Variants in XPR1 observed in about 807,000 individuals in gnomAD.
XPR1 encodes the protein xenotropic and polytropic retrovirus receptor 1, also known as solute carrier family 53 member 1.
XPR1 carries 28 observed loss-of-function variants against 87.5 expected under a neutral mutation model. That is an observed-to-expected ratio of 0.32 (90% CI 0.24 to 0.44). XPR1 has a LOEUF of 0.44. XPR1 is among the 20% of genes least tolerant of loss of function. The pLI is 1.00. For synonymous variants in XPR1, 300 were observed against 306.1 expected, an observed-to-expected ratio of 0.98 and a Z score of 0.21; for missense variants, 559 against 862.3, an observed-to-expected ratio of 0.65 and a Z score of 4.41.
intron 11 of XPR1, among the ~76,000 whole-genome samples, chr1:180,862,235 A>G (rs1386998873): frequency 2.0e-5 from 3 of 152,032 alleles, no homozygotes; most frequent in Non-Finnish European, 1.5e-5. Context: ...GTTTTTCTAA[A>G]ATACAGATCT....
chr1:180,648,199 T>C (rs1479163101), intron 1 of XPR1, among the ~76,000 whole-genome samples: 1 of 152,206 alleles, frequency 6.6e-6, no homozygotes, highest in Non-Finnish European at 1.5e-5. Flanking sequence ...TTCATTGCTG[T>C]GTGTATGTAT....
intron 6 of XPR1, 47 bp from the exon 7 acceptor site, chr1:180,811,360 C>T (rs1244442568): frequency 4.9e-6 from 7 of 1,426,388 alleles, no homozygotes; most frequent in Non-Finnish European, 4.9e-6. Context: ...ATAGTAAATA[C>T]AATCAGTGTT....
chr1:180,825,082 T>A, intron 8 of XPR1, 83 bp from the exon 9 acceptor site: 1 of 1,511,886 alleles, frequency 6.6e-7, no homozygotes, highest in Non-Finnish European at 8.9e-7. Context: ...CTTACTTTTG[T>A]TTTATTAAAG....
intron 1 of XPR1, among the ~76,000 whole-genome samples, chr1:180,640,765 C>A (rs182711770): frequency 6.6e-6 from 1 of 152,138 alleles, no homozygotes; most frequent in East Asian, 1.9e-4. Flanking sequence ...GAAGATAAAT[C>A]AGAAGAAAAA....
chr1:180,761,898 T>G (rs2102053534), intron 2 of XPR1, among the ~76,000 whole-genome samples: 1 of 152,100 alleles, frequency 6.6e-6, no homozygotes, highest in Non-Finnish European at 1.5e-5. Context: ...TAGACTGGAT[T>G]AAGAAAATGT....
At chr1:180,701,890 C>T (rs1372850499) in intron 2 of XPR1, among the ~76,000 whole-genome samples, 3 of 127,732 alleles carry the variant, frequency 2.3e-5, no homozygotes, top group Non-Finnish European at 4.9e-5. Flanking sequence ...AAAACCAGCT[C>T]CTGGATTCAT....
At chr1:180,659,232 TCCTTCCTTCCTTCCTTCCTCCCTCCCTC>T (rs1557943345) in intron 1 of XPR1, among the ~76,000 whole-genome samples, 2 of 24,986 alleles carry the variant, frequency 8.0e-5, no homozygotes, top group Non-Finnish European at 1.1e-4. Flanking sequence ...CTTCCTTCCT[TCCTTCCTTCCTTCCTTCCTCCCTCCCTC>T]CCTCCCTCCC....
At chr1:180,730,668 TTTTG>T (rs1482349631) in intron 2 of XPR1, among the ~76,000 whole-genome samples, 1 of 152,128 alleles carries the variant, frequency 6.6e-6, no homozygotes, top group Non-Finnish European at 1.5e-5. Context: ...TTATTTCTTT[TTTTG>T]TTTGTTTTTT....
intron 1 of XPR1, among the ~76,000 whole-genome samples, chr1:180,675,888 CAG>C (rs1227479605): frequency 6.6e-6 from 1 of 152,106 alleles, no homozygotes; most frequent in African/African-American, 2.4e-5. Context: ...TTCACAGGCA[CAG>C]AATGTTATCT....
intron 1 of XPR1, among the ~76,000 whole-genome samples, chr1:180,658,889 T>C (rs902706222): frequency 2.6e-5 from 4 of 152,140 alleles, no homozygotes; most frequent in Admixed American, 2.6e-4. Flanking sequence ...TTTTTATCCT[T>C]TACTCTGTTG....
intron 9 of XPR1, among the ~76,000 whole-genome samples, chr1:180,832,985 A>G (rs1384659688): frequency 1.3e-5 from 2 of 152,202 alleles, no homozygotes; most frequent in East Asian, 1.9e-4. Context: ...GATTCTTCCT[A>G]TCCATGAGCA....
At chr1:180,883,525 A>G (rs1652911656) in intron 14 of XPR1, among the ~76,000 whole-genome samples, 1 of 152,102 alleles carries the variant, frequency 6.6e-6, no homozygotes, top group Non-Finnish European at 1.5e-5. Context: ...CCTGGCCAAC[A>G]TGGTGAAAGC....
chr1:180,795,544 T>C (rs909234591), intron 3 of XPR1, among the ~76,000 whole-genome samples: 4 of 152,244 alleles, frequency 2.6e-5, no homozygotes, highest in African/African-American at 9.6e-5. Flanking sequence ...GTGTAATATT[T>C]TTTCAGATAG....
intron 2 of XPR1, among the ~76,000 whole-genome samples, chr1:180,744,594 C>G (rs1303156016): frequency 6.8e-6 from 1 of 147,450 alleles, no homozygotes; most frequent in Non-Finnish European, 1.5e-5. Context: ...GATTCAAGGT[C>G]TTGCTTATAT....
At chr1:180,656,595 T>TAATA (rs1338520966) in intron 1 of XPR1, among the ~76,000 whole-genome samples, 1 of 74,844 alleles carries the variant, frequency 1.3e-5, no homozygotes, top group African/African-American at 4.6e-5. Flanking sequence ...ATAATATATA[T>TAATA]TTTATATATG....
chr1:180,669,697 G>T (rs7527018), intron 1 of XPR1, among the ~76,000 whole-genome samples: 5 of 152,188 alleles, frequency 3.3e-5, no homozygotes, highest in African/African-American at 1.2e-4. Flanking sequence ...CATGGGGGAT[G>T]TTCCAAGACC....
chr1:180,817,775 C>T (rs1448942065), intron 7 of XPR1, among the ~76,000 whole-genome samples: 1 of 152,062 alleles, frequency 6.6e-6, no homozygotes, highest in African/African-American at 2.4e-5. Context: ...CAGGAGTTTA[C>T]CCTTGGGGAA....
At chr1:180,685,798 G>A (rs867329800) in intron 2 of XPR1, among the ~76,000 whole-genome samples, 3 of 151,796 alleles carry the variant, frequency 2.0e-5, no homozygotes, top group South Asian at 2.1e-4. Context: ...GTATTCTCTG[G>A]TGGTAGTTTG....
chr1:180,772,460 C>CT (rs1381773486), intron 2 of XPR1, among the ~76,000 whole-genome samples: 1 of 152,010 alleles, frequency 6.6e-6, no homozygotes, highest in East Asian at 1.9e-4. Context: ...AGCAGAGGAG[C>CT]TAAGAAATAT....
Sources: allele counts gnomAD v4.1 joint callset (sites outside exome capture counted in the v4.1 genomes callset), GRCh38; gene constraint gnomAD v4.1.1; transcripts MANE v1.5; gene names NCBI Gene and HGNC (gene_info 2026-07-23, HGNC 2026-07-21).